CCDC60: variants seen among roughly 807,000 people sequenced by gnomAD.
CCDC60 encodes coiled-coil domain containing 60.
In CCDC60, 54 loss-of-function variants were observed where a neutral mutation model predicts 63.5. The ratio of observed to expected loss-of-function variants is 0.85; its 90% CI spans 0.68 to 1.07. The LOEUF is 1.07. Among genes scored for constraint, CCDC60 ranks in the 50% least tolerant of loss-of-function variants. The pLI is 0.00. For synonymous variants in CCDC60, 206 were observed against 238.8 expected (o/e 0.86, Z 1.27); for missense variants, 651 against 684.3 (o/e 0.95, Z 0.54).
intron 5 of CCDC60, among the ~76,000 whole-genome samples, chr12:119,499,279 G>A (rs1413166069): frequency 6.6e-6 from 1 of 152,098 alleles, no homozygotes; most frequent in African/African-American, 2.4e-5. Flanking sequence ...ACCCATGACA[G>A]GAGGATCCAG....
At position 119,530,957 on chromosome 12, in the gene CCDC60, T is replaced by A. The variant is rs182917402; in HGVS notation, c.1445T>A (p.Phe482Tyr). 1 of 1,614,052 alleles carries A rather than the reference T, an allele frequency of 6.2e-7. No homozygotes were observed. The highest frequency in any genetic ancestry group is 1.3e-5 in the African/African-American group (1 of 74,940). Reference protein sequence around the residue: ...AKKILVKLQKFGENLDLRIRP... With the variant: ...AKKILVKLQKYGENLDLRIRP... ...AAGATCCTGGTGAAACTGCAGAAGT[T>A]TGGAGAAAACCTGGACTTGCGGATT... Residue 482 changes from phenylalanine (F) to tyrosine (Y), a missense_variant, in exon 13 of 14, where the codon TTT (phenylalanine) becomes TAT (tyrosine). Transcript: ENST00000327554.
Position 119,334,982 on chromosome 12 carries a change from C to G in CCDC60, c.-195C>G. ...CCTGATTCTGCCCTACCCGGACTTCCTTATCCCGTCTGTGGGAGACCCAGG... is the reference window on the plus strand; with the variant it reads ...CCTGATTCTGCCCTACCCGGACTTCGTTATCCCGTCTGTGGGAGACCCAGG... On this transcript the variant is annotated 5_prime_UTR_variant, in exon 1 of 14. Transcript: ENST00000327554. 2.0e-6 allele frequency: 1 copy of G among 506,078 alleles called. No individual in the cohort carries two copies. Among genetic ancestry groups the G allele is most frequent in the South Asian group, 3.3e-5 (1 of 30,000 alleles). The allele number at this position is 506,078 out of a possible 1,614,324, so 31.3% of individuals were successfully genotyped here.
intron 2 of CCDC60, among the ~76,000 whole-genome samples, chr12:119,433,947 T>C (rs1274936146): frequency 6.6e-6 from 1 of 152,200 alleles, no homozygotes; most frequent in Non-Finnish European, 1.5e-5. Flanking sequence ...TGTGCCCAGT[T>C]CTTGGCTGAC....
chr12:119,336,454 G>C (rs1955472942), intron 1 of CCDC60, among the ~76,000 whole-genome samples: 1 of 152,112 alleles, frequency 6.6e-6, no homozygotes, highest in African/African-American at 2.4e-5. Flanking sequence ...TGACACTGTA[G>C]AACATCAGAA....
intron 1 of CCDC60, among the ~76,000 whole-genome samples, chr12:119,337,221 GA>G (rs1327757022): frequency 3.3e-5 from 5 of 152,180 alleles, no homozygotes; most frequent in Admixed American, 2.6e-4. Context: ...ATACCACACA[GA>G]AGGATGTTCA....
At chr12:119,360,287 G>T (rs1274729152) in intron 1 of CCDC60, among the ~76,000 whole-genome samples, 1 of 148,378 alleles carries the variant, frequency 6.7e-6, no homozygotes, top group Non-Finnish European at 1.5e-5. Flanking sequence ...TGGCCGGGCA[G>T]GGGGCTGACC....
At chr12:119,451,281 C>T (rs948627525) in intron 2 of CCDC60, among the ~76,000 whole-genome samples, 1 of 152,130 alleles carries the variant, frequency 6.6e-6, no homozygotes, top group African/African-American at 2.4e-5. Flanking sequence ...GTTTTGAATT[C>T]CAAAGCCCCA....
intron 2 of CCDC60, among the ~76,000 whole-genome samples, chr12:119,444,509 G>C (rs1950502736): frequency 1.3e-5 from 2 of 152,186 alleles, no homozygotes; most frequent in South Asian, 4.1e-4. Flanking sequence ...AGGCCATTAC[G>C]TGAATTATTC....
chr12:119,516,768 T>C, intron 8 of CCDC60, 61 bp downstream of exon 8: 2 of 1,151,176 alleles, frequency 1.7e-6, no homozygotes, highest in Non-Finnish European at 2.6e-6. Context: ...ACATTAACAG[T>C]AGTAGTTGCC....
At chr12:119,394,304 G>A (rs922018470) in intron 1 of CCDC60, among the ~76,000 whole-genome samples, 5 of 152,166 alleles carry the variant, frequency 3.3e-5, no homozygotes, top group Non-Finnish European at 5.9e-5. Context: ...ACTAAAATCC[G>A]CATTATTGTC....
At chr12:119,471,715 C>T (rs552678596) in intron 2 of CCDC60, among the ~76,000 whole-genome samples, 14 of 152,198 alleles carry the variant, frequency 9.2e-5, no homozygotes, top group African/African-American at 2.9e-4. Context: ...CACGAGGGCA[C>T]GCTCAGAGAT....
At position 119,541,007 on chromosome 12, in the gene CCDC60, T is replaced by G; in HGVS notation, c.*292T>G. ...TTCAGATTCCTTCACCCTATTTACCTTCCTCAAGTACTGGAGAATAAAATT... is the reference window on the plus strand; with the variant it reads ...TTCAGATTCCTTCACCCTATTTACCGTCCTCAAGTACTGGAGAATAAAATT... On this transcript the variant is annotated 3_prime_UTR_variant, in exon 14 of 14. Transcript: ENST00000327554. The G allele has an allele frequency of 1.0e-5, 3 of 299,190 alleles. No individual in the cohort carries two copies. Among genetic ancestry groups the G allele is most frequent in the East Asian group, 6.4e-5 (1 of 15,680 alleles). The allele number at this position is 299,190 out of a possible 1,614,324, so 18.5% of individuals were successfully genotyped here. A position where few individuals can be genotyped will look rare whatever the true frequency, so the allele number is the denominator to read the frequency against.
At chr12:119,490,025 T>C (rs1951547209) in intron 5 of CCDC60, among the ~76,000 whole-genome samples, 1 of 152,182 alleles carries the variant, frequency 6.6e-6, no homozygotes, top group Non-Finnish European at 1.5e-5. Context: ...CTCAATCTCT[T>C]GACCTCATGA....
chr12:119,497,249 CA>C (rs1951733852), intron 5 of CCDC60, among the ~76,000 whole-genome samples: 1 of 152,208 alleles, frequency 6.6e-6, no homozygotes, highest in African/African-American at 2.4e-5. Context: ...CCCACCAGGC[CA>C]GGGGGAAGGA....
Position 119,428,670 on chromosome 12 carries a change from G to A in CCDC60, c.91-13G>A. On this transcript the variant is annotated splice_polypyrimidine_tract_variant and intron_variant, in intron 1 of 13. Coordinates refer to ENST00000327554, the MANE Select transcript of CCDC60 (RefSeq NM_178499.5). ...AACACTCCTTTTATTTTAACCCCTT[G>A]TCTTCTCATCAGGTCCCAGACAAGC... 1 of 1,562,470 alleles carries A rather than the reference G, an allele frequency of 6.4e-7. No individual in the cohort carries two copies. Among genetic ancestry groups the A allele is most frequent in the Non-Finnish European group, 8.8e-7 (1 of 1,139,154 alleles).
At chr12:119,447,434 G>A (rs1950561718) in intron 2 of CCDC60, among the ~76,000 whole-genome samples, 1 of 152,180 alleles carries the variant, frequency 6.6e-6, no homozygotes, top group South Asian at 2.1e-4. Context: ...AACCATCACA[G>A]GCTGGTGGTC....
intron 1 of CCDC60, among the ~76,000 whole-genome samples, chr12:119,419,756 G>A (rs2136215893): frequency 6.6e-6 from 1 of 151,958 alleles, no homozygotes; most frequent in Non-Finnish European, 1.5e-5. Context: ...CTCAGTAGAG[G>A]ACTTGCTCGT....
At chr12:119,358,291 A>G (rs1374079825) in intron 1 of CCDC60, among the ~76,000 whole-genome samples, 1 of 152,166 alleles carries the variant, frequency 6.6e-6, no homozygotes, top group Non-Finnish European at 1.5e-5. Context: ...CTAGTTCCCT[A>G]TAAGGTGATT....
At chr12:119,417,991 T>C (rs533604611) in intron 1 of CCDC60, among the ~76,000 whole-genome samples, 1 of 152,316 alleles carries the variant, frequency 6.6e-6, no homozygotes, top group South Asian at 2.1e-4. Context: ...AGTCACTTCA[T>C]ATTTTTTCCC....
Sources: gnomAD v4.1 joint callset for allele counts (sites outside exome capture counted in the v4.1 genomes callset) on GRCh38, gnomAD v4.1.1 for gene constraint, MANE v1.5 for transcripts, NCBI Gene and HGNC (gene_info 2026-07-23, HGNC 2026-07-21) for gene names.